Variants in SURF6 observed in about 807,000 individuals in gnomAD.
SURF6 encodes surfeit locus protein 6.
In SURF6, 28 loss-of-function variants were observed where a neutral mutation model predicts 37.5. The observed-to-expected ratio is 0.75, with a 90% CI of 0.55 to 1.02. SURF6 has a LOEUF of 1.02. SURF6 is among the 50% of genes least tolerant of loss of function. The pLI is 0.00. For missense variants in SURF6, 560 were observed against 490.5 expected (o/e 1.14, Z -1.34); for synonymous variants, 248 against 210.9 (o/e 1.18, Z -1.52).
chr9:133,332,219 G>C lies in SURF6; in HGVS notation c.736C>G (p.Arg246Gly). The change falls in exon 5 of 5, where the codon CGG becomes GGG. Residue 246 changes from arginine (R) to glycine (G), a missense_variant. Coordinates refer to ENST00000372022, the MANE Select transcript of SURF6 (RefSeq NM_006753.6). ...CGCAGCTCGTCCAGCCGGCTCTGCC[G>C]TGCCTGCAGGCGCTCCAGCAGCTGC... ...YRQLLERLQA[R>G]QSRLDELRGQ... The C allele has an allele frequency of 6.2e-7, 1 of 1,607,196 alleles. No homozygotes were observed. Among genetic ancestry groups the C allele is most frequent in the Non-Finnish European group, 8.5e-7 (1 of 1,179,914 alleles).
Position 133,332,072 on chromosome 9 carries a change from G to T in SURF6, c.883C>A (p.Arg295Ser), listed in dbSNP as rs2129914722. 1.9e-6 allele frequency: 3 copies of T among 1,607,120 alleles called. No individual in the cohort carries two copies. The highest frequency in any genetic ancestry group is 2.5e-6 in the Non-Finnish European group (3 of 1,179,828). The change falls in exon 5 of 5, where the codon CGC (arginine) becomes AGC (serine). Residue 295 changes from arginine (R) to serine (S), a missense_variant. By Grantham distance (110) the Arg-to-Ser change is moderately radical. Coordinates refer to ENST00000372022, the MANE Select transcript of SURF6 (RefSeq NM_006753.6). Reference sequence around the variant, plus strand: ...CGCTGCGCCCTGCGCTTCTCCTTGCGCTTCAGGGCCTCCTGCAGCAGGCGT... The same window carrying T: ...CGCTGCGCCCTGCGCTTCTCCTTGCTCTTCAGGGCCTCCTGCAGCAGGCGT... ...DERLLQEALK[R>S]KEKRRAQRQR...
Position 133,332,196 on chromosome 9 carries a change from C to T in SURF6, c.759G>A (p.Leu253=), listed in dbSNP as rs115534865. The T allele has an allele frequency of 1.2e-6, 2 of 1,608,748 alleles. No homozygotes were observed. Among genetic ancestry groups the T allele is most frequent in the Admixed American group, 3.3e-5 (2 of 60,004 alleles). Residue 253 remains leucine (L), a synonymous_variant, in exon 5 of 5, where the codon CTG becomes CTA. Transcript: ENST00000372022. ...GCGCCTTCCCCTCATCCTGGCCGCG[C>T]AGCTCGTCCAGCCGGCTCTGCCGTG... ...LQARQSRLDE[L]RGQDEGKAQE...
At chr9:133,335,902 A>T in intron 1 of SURF6, 137 bp downstream of exon 1, 1 of 716,496 alleles carries the variant, frequency 1.4e-6, no homozygotes, top group East Asian at 3.0e-5. Flanking sequence ...AACAAAAAAA[A>T]CAAATAAGGG....
Position 133,333,782 on chromosome 9 carries a change from G to T in SURF6, c.329C>A (p.Ser110Tyr). ...TCGCAGAACATCCAGAGCAAAGACA[G>T]ACTCAGGCTCAGTGGCCAGGCCATC... Reference protein sequence around the residue: ...PADGLATEPESVFALDVLRQR... With the variant: ...PADGLATEPEYVFALDVLRQR... Residue 110 changes from serine to tyrosine, a missense_variant, in exon 3 of 5, where the codon TCT becomes TAT. Coordinates refer to ENST00000372022, the MANE Select transcript of SURF6 (RefSeq NM_006753.6). 4 of 1,613,860 alleles carry T rather than the reference G, an allele frequency of 2.5e-6. No individual in the cohort carries two copies. Among genetic ancestry groups the T allele is most frequent in the Admixed American group, 3.3e-5 (2 of 60,008 alleles).
intron 3 of SURF6, 27 bp downstream of exon 3, chr9:133,333,691 G>C: frequency 1.2e-6 from 2 of 1,607,358 alleles, no homozygotes; most frequent in South Asian, 1.1e-5. Flanking sequence ...GAGCAGTGAC[G>C]GCACTCCAGC....
chr9:133,335,887 A>T, intron 1 of SURF6, 152 bp downstream of exon 1: 3 of 670,746 alleles, frequency 4.5e-6, no homozygotes, highest in Non-Finnish European at 7.1e-6. Context: ...AAAAACAAAA[A>T]CAAAAACAAA....
chr9:133,335,807 C>T (rs1313149740), intron 1 of SURF6, among the ~76,000 whole-genome samples: 1 of 151,946 alleles, frequency 6.6e-6, no homozygotes, highest in Non-Finnish European at 1.5e-5. Context: ...ACCCGGGAGA[C>T]GGAGCTTGCA....
At chr9:133,332,467 A>G in intron 4 of SURF6, 81 bp downstream of exon 4, 2 of 1,555,906 alleles carry the variant, frequency 1.3e-6, no homozygotes, top group Non-Finnish European at 1.7e-6. Context: ...TGGGGTTCGG[A>G]GAGAGATCAT....
chr9:133,333,517 C>G (rs1835799141), intron 3 of SURF6, among the ~76,000 whole-genome samples: 1 of 152,190 alleles, frequency 6.6e-6, no homozygotes, highest in African/African-American at 2.4e-5. Context: ...GCAAAGGCAG[C>G]TTCCCAGAAG....
chr9:133,333,666 G>A (rs2129924013), intron 3 of SURF6, 52 bp downstream of exon 3: 1 of 1,564,166 alleles, frequency 6.4e-7, no homozygotes, highest in East Asian at 2.3e-5. Flanking sequence ...GCTGACCCCA[G>A]GGAGAACACA....
rs1276825297 is a variant in SURF6, at chr9:133,332,073, C to T, written c.882G>A (p.Lys294=). ...DDERLLQEAL[K]RKEKRRAQRQ... ...GCTGCGCCCTGCGCTTCTCCTTGCG[C>T]TTCAGGGCCTCCTGCAGCAGGCGTT... Residue 294 remains lysine (K), a synonymous_variant, in exon 5 of 5, where the codon AAG becomes AAA. Transcript: ENST00000372022. The T allele has an allele frequency of 6.2e-7, 1 of 1,607,390 alleles. No homozygotes were observed. Among genetic ancestry groups the T allele is most frequent in the Non-Finnish European group, 8.5e-7 (1 of 1,179,870 alleles).
intron 1 of SURF6, among the ~76,000 whole-genome samples, chr9:133,335,334 A>AAAT (rs1554766134): frequency 0.038 from 5,691 of 151,318 alleles, 143 homozygotes; most frequent in Non-Finnish European, 0.057. Context: ...AAAAAAAAAA[A>AAAT]TTTCAAAAAG....
rs1290115944 is a variant in SURF6, at chr9:133,329,039, AGT to A, written c.*2828_*2829del. The A allele has an allele frequency of 2.0e-5, 3 of 153,666 alleles. No homozygotes were observed. Among genetic ancestry groups the A allele is most frequent in the Admixed American group, 6.5e-5 (1 of 15,290 alleles). 9.5% of individuals were successfully genotyped at this position (153,666 alleles called of 1,614,324 possible). ...ACAAAGCAAAAGGGGCAGGGTAAAG[AGT>A]GTGAGTCATCTCCAATGATAGGTAA... On this transcript the variant is annotated 3_prime_UTR_variant, in exon 5 of 5. Transcript: ENST00000372022.
Position 133,332,734 on chromosome 9 carries a change from G to A in SURF6, c.420C>T (p.Ala140=), listed in dbSNP as rs2129921071. ...TTCTCCGCCGCCTTTTCTCCAAGGC[G>A]GCAGGGGACAGCTCCTTGGCACTGC... The part of the protein sequence containing the change: ...GQGSAKELSP[A]ALEKRRRRKQ... Residue 140 remains alanine, a synonymous_variant, in exon 4 of 5, where the codon GCC becomes GCT. Transcript: ENST00000372022. 6.3e-5 allele frequency: 101 copies of A among 1,611,412 alleles called. No individual in the cohort carries two copies. In the Middle Eastern group the frequency reaches 1.7e-3, roughly 26 times the overall value.
At chr9:133,333,897 T>A in intron 2 of SURF6, 91 bp from the exon 3 acceptor site, 1 of 1,053,120 alleles carries the variant, frequency 9.5e-7, no homozygotes, top group South Asian at 1.3e-5. Context: ...CTGTGGCCAC[T>A]CATGGATCTG....
Position 133,332,241 on chromosome 9 carries a change from C to G in SURF6, c.714G>C (p.Gln238His). 6.2e-7 allele frequency: 1 copy of G among 1,605,416 alleles called. No homozygotes were observed. Among genetic ancestry groups the G allele is most frequent in the Non-Finnish European group, 8.5e-7 (1 of 1,179,816 alleles). ...GCCGTGCCTGCAGGCGCTCCAGCAG[C>G]TGCCGGTAGTTCCTCCCGGTCAGCG... ...LTPLTGRNYR[Q>H]LLERLQARQS... The change falls in exon 5 of 5, where the codon CAG becomes CAC. Residue 238 changes from glutamine to histidine, a missense_variant. Gln to His is a conservative substitution (Grantham distance 24). Transcript: ENST00000372022.
In SURF6 at chr9:133,331,016, CA is replaced by C. The variant is rs2119039376; in HGVS notation, c.*852del. The C allele has an allele frequency of 6.6e-6, 1 of 152,314 alleles. No individual in the cohort carries two copies. Among genetic ancestry groups the C allele is most frequent in the Admixed American group, 6.5e-5 (1 of 15,296 alleles). 9.4% of individuals were successfully genotyped at this position (152,314 alleles called of 1,614,324 possible). ...TTGTCTCATAACCGGAGAGTTTCAT[CA>C]AAAGAATTTTATTTACAGCTTTATC... is the stretch of plus-strand genomic sequence containing the variant. On this transcript the variant is annotated 3_prime_UTR_variant, in exon 5 of 5. Transcript: ENST00000372022.
At chr9:133,335,083 C>T (rs2129929849) in intron 1 of SURF6, among the ~76,000 whole-genome samples, 2 of 152,146 alleles carry the variant, frequency 1.3e-5, no homozygotes, top group African/African-American at 2.4e-5. Flanking sequence ...CCTCAGCCTC[C>T]GGAGTAGCTG....
rs1409865206 is a variant in SURF6 at position 133,328,915 on chromosome 9, G to A, written c.*2954C>T. The A allele has an allele frequency of 6.5e-6, 1 of 152,940 alleles. No homozygotes were observed. The highest frequency in any genetic ancestry group is 1.5e-5 in the Non-Finnish European group (1 of 68,230). The allele number at this position is 152,940 out of a possible 1,614,324, so 9.5% of individuals were successfully genotyped here. A position where few individuals can be genotyped will look rare whatever the true frequency, so the allele number is the denominator to read the frequency against. The stretch of plus-strand genomic sequence containing the variant: ...TAGAAATACACACACAAGACAAAGA[G>A]ATAAAAGAAAAGGCAGCTGGGCCCG... On this transcript the variant is annotated 3_prime_UTR_variant, in exon 5 of 5. Transcript: ENST00000372022.
Sources: allele counts gnomAD v4.1 joint callset (sites outside exome capture counted in the v4.1 genomes callset), GRCh38; gene constraint gnomAD v4.1.1; transcripts MANE v1.5; gene names NCBI Gene and HGNC (gene_info 2026-07-23, HGNC 2026-07-21).